The following CLEC1A variants were observed in gnomAD, a reference collection of about 807,000 sequenced individuals.
CLEC1A encodes the protein C-type lectin domain family 1 member A, also known as C-type lectin-like receptor-1.
A neutral mutation model predicts 28.7 loss-of-function variants in CLEC1A; 34 were observed. The ratio of observed to expected loss-of-function variants is 1.18; its 90% CI spans 0.90 to 1.57. CLEC1A has a LOEUF of 1.57. CLEC1A is among the 40% of genes most tolerant of loss of function. The pLI is 0.00. For synonymous variants in CLEC1A, 116 were observed against 121.0 expected, an observed-to-expected ratio of 0.96 and a Z score of 0.27; for missense variants, 385 against 339.5, an observed-to-expected ratio of 1.13 and a Z score of -1.05.
chr12:10,087,659 A>G (rs1426699455), intron 2 of CLEC1A, among the ~76,000 whole-genome samples: 1 of 149,538 alleles, frequency 6.7e-6, no homozygotes, highest in African/African-American at 2.5e-5. Flanking sequence ...AGTAGTTGGG[A>G]TTACAGATGC....
At chr12:10,088,627 A>G (rs926127014) in intron 2 of CLEC1A, among the ~76,000 whole-genome samples, 1 of 151,902 alleles carries the variant, frequency 6.6e-6, no homozygotes, top group African/African-American at 2.4e-5. Context: ...CTTTTTTCCA[A>G]TTTGATTTTC....
chr12:10,073,723 A>T (rs371547044), intron 4 of CLEC1A, among the ~76,000 whole-genome samples: 7 of 152,364 alleles, frequency 4.6e-5, no homozygotes, highest in East Asian at 3.9e-4. Flanking sequence ...TGACATAAAA[A>T]TATGAGGGAA....
Position 10,075,585 on chromosome 12 carries a change from G to T in CLEC1A, c.462C>A (p.Asp154Glu). 6.2e-7 allele frequency: 1 copy of T among 1,613,916 alleles called. No homozygotes were observed. Among genetic ancestry groups the T allele is most frequent in the Non-Finnish European group, 8.5e-7 (1 of 1,179,868 alleles). The change falls in exon 4 of 6, where the codon GAC becomes GAA. Residue 154 changes from aspartate to glutamate, a missense_variant. Transcript: ENST00000315330. ...ATTTACAGTCCTCCCAACTTTTGCT[G>T]TCTTTATAGAACTGGTAGCAATTGT... ...HGDNCYQFYK[D>E]SKSWEDCKYF... is the part of the protein sequence containing the mutation.
intron 2 of CLEC1A, 21 bp downstream of exon 2, chr12:10,089,103 C>G (rs1866559720): frequency 6.3e-7 from 1 of 1,579,282 alleles, no homozygotes. Flanking sequence ...GATCCTCCCC[C>G]AGGTCAGAGC....
chr12:10,096,897 G>C lies in CLEC1A; in HGVS notation c.115+1911C>G, dbSNP rs568195906. On this transcript the variant is annotated intron_variant, in intron 1 of 5. Coordinates refer to ENST00000315330, the MANE Select transcript of CLEC1A (RefSeq NM_016511.4). Reference sequence around the variant, plus strand: ...TTTCCTGAACTCCTCTACTTAATTAGGTAAAAATTAAGCCGAGAGCTTGGT... The same window carrying C: ...TTTCCTGAACTCCTCTACTTAATTACGTAAAAATTAAGCCGAGAGCTTGGT... Among the ~76,000 whole-genome samples the C allele has an allele frequency of 7.9e-5, 12 of 152,162 alleles. No individual in the cohort carries two copies. The East Asian group carries it at 2.3e-3, about 29-fold the overall frequency.
intron 1 of CLEC1A, among the ~76,000 whole-genome samples, chr12:10,098,339 G>A (rs7313750): frequency 6.6e-6 from 1 of 152,094 alleles, no homozygotes; most frequent in African/African-American, 2.4e-5. Flanking sequence ...TTAATATTAA[G>A]TCAAGTTAAT....
In CLEC1A at chr12:10,083,093, C is replaced by T. The variant is rs116182730; in HGVS notation, c.215-1680G>A. On this transcript the variant is annotated intron_variant, in intron 2 of 5. Coordinates refer to ENST00000315330, the MANE Select transcript of CLEC1A (RefSeq NM_016511.4). Reference sequence around the variant, plus strand: ...GGAGCCTGGTAGCACCACTGGGTGGCTAGACCCAGAAGAGAATAACAATCA... The same window carrying T: ...GGAGCCTGGTAGCACCACTGGGTGGTTAGACCCAGAAGAGAATAACAATCA... Among the ~76,000 whole-genome samples the T allele has an allele frequency of 1.6e-3, 239 of 152,306 alleles. 1 individual carries two copies. The highest frequency in any genetic ancestry group is 5.1e-3 in the African/African-American group (213 of 41,564).
intron 5 of CLEC1A, among the ~76,000 whole-genome samples, chr12:10,072,639 T>A (rs1197761858): frequency 6.9e-6 from 1 of 144,906 alleles, no homozygotes; most frequent in East Asian, 1.9e-4. Flanking sequence ...GAAAGATCTC[T>A]CTCTCTCTCT....
intron 3 of CLEC1A, among the ~76,000 whole-genome samples, chr12:10,078,862 T>C: frequency 6.6e-6 from 1 of 152,110 alleles, no homozygotes; most frequent in East Asian, 1.9e-4. Flanking sequence ...CCAGGAGAAC[T>C]GAGTGTTAAA....
At chr12:10,075,445 A>G (rs1027905885) in intron 4 of CLEC1A, 59 bp downstream of exon 4, 4 of 1,562,856 alleles carry the variant, frequency 2.6e-6, no homozygotes, top group Non-Finnish European at 3.5e-6. Flanking sequence ...CTTCTTGCCT[A>G]ATGCTTTTAA....
At chr12:10,098,687 G>T (rs1194487417) in intron 1 of CLEC1A, 121 bp downstream of exon 1, 13 of 628,742 alleles carry the variant, frequency 2.1e-5, no homozygotes, top group Non-Finnish European at 3.3e-5. Flanking sequence ...ATGTCACAGG[G>T]CGAGTAATTG....
chr12:10,070,196 T>G lies in CLEC1A; in HGVS notation c.*1137A>C, dbSNP rs1866096365. 2 of 152,218 alleles carry G rather than the reference T, an allele frequency of 1.3e-5. No individual in the cohort carries two copies. Among genetic ancestry groups the G allele is most frequent in the Non-Finnish European group, 2.9e-5 (2 of 68,042 alleles). The allele number at this position is 152,218 out of a possible 1,614,324, so 9.4% of individuals were successfully genotyped here. On this transcript the variant is annotated 3_prime_UTR_variant, in exon 6 of 6. Coordinates refer to ENST00000315330, the MANE Select transcript of CLEC1A (RefSeq NM_016511.4). Reference sequence around the variant, plus strand: ...TTTCCCATGACCTGACTGGAAATCATGTGCACTAATGCAACTCAGCTTCCT... The same window carrying G: ...TTTCCCATGACCTGACTGGAAATCAGGTGCACTAATGCAACTCAGCTTCCT...
intron 1 of CLEC1A, among the ~76,000 whole-genome samples, chr12:10,097,856 T>C (rs1231671118): frequency 1.4e-5 from 2 of 146,566 alleles, no homozygotes; most frequent in African/African-American, 5.0e-5. Flanking sequence ...TCACTTAGCT[T>C]CATTTCAAAG....
intron 2 of CLEC1A, among the ~76,000 whole-genome samples, chr12:10,086,863 C>T (rs1474947511): frequency 6.6e-6 from 1 of 152,110 alleles, no homozygotes; most frequent in Non-Finnish European, 1.5e-5. Context: ...AAGAAAACTA[C>T]AGACCAATAT....
rs1422808505 is a variant in CLEC1A, at chr12:10,088,075, G to GTTATTATT, written c.214+1041_214+1048dup. On this transcript the variant is annotated intron_variant, in intron 2 of 5. Coordinates refer to ENST00000315330, the MANE Select transcript of CLEC1A (RefSeq NM_016511.4). Reference sequence around the variant, plus strand: ...TTACTTATTCAGTTATTGAAATAGTGTTATTATTTTTTCCATGATTTTACA... The same window carrying GTTATTATT: ...TTACTTATTCAGTTATTGAAATAGTGTTATTATTTTATTATTTTTTCCATGATTTTACA... 5.3e-5 allele frequency among the ~76,000 whole-genome samples: 8 copies of GTTATTATT among 152,126 alleles called. No individual in the cohort carries two copies. The East Asian group carries it at 9.7e-4, about 18-fold the overall frequency.
At chr12:10,094,168 A>G (rs1947746572) in intron 1 of CLEC1A, among the ~76,000 whole-genome samples, 1 of 152,126 alleles carries the variant, frequency 6.6e-6, no homozygotes, top group Admixed American at 6.5e-5. Context: ...GATATTATTT[A>G]CTGAAATATA....
rs1381168828 is a variant in CLEC1A, at chr12:10,071,446, T to G, written c.730A>C (p.Ile244Leu). 5 of 1,613,970 alleles carry G rather than the reference T, an allele frequency of 3.1e-6. No individual in the cohort carries two copies. Among genetic ancestry groups the G allele is most frequent in the Non-Finnish European group, 3.4e-6 (4 of 1,179,860 alleles). The change falls in exon 6 of 6, where the codon ATC becomes CTC. Residue 244 changes from isoleucine to leucine, a missense_variant. By Grantham distance (5) the Ile-to-Leu change is conservative. Transcript: ENST00000315330. The stretch of plus-strand genomic sequence containing the variant: ...AATTCTTTGCAGTCCTTTGAGAAGA[T>G]CATCCCATTAAGGATGGCCACACAG... ...RDCVAILNGM[I>L]FSKDCKELKR...
chr12:10,093,855 C>T (rs897334761), intron 1 of CLEC1A, among the ~76,000 whole-genome samples: 56 of 152,232 alleles, frequency 3.7e-4, no homozygotes, highest in Non-Finnish European at 6.6e-4. Context: ...TTAATCCTCA[C>T]ATATGGCACA....
At chr12:10,092,369 AC>A (rs776852965) in intron 1 of CLEC1A, 23 of 343,986 alleles carry the variant, frequency 6.7e-5, no homozygotes, top group Non-Finnish European at 1.0e-4. Flanking sequence ...ACATAGTGAG[AC>A]CCCCATCTCT....
Sources: allele counts gnomAD v4.1 joint callset (sites outside exome capture counted in the v4.1 genomes callset), GRCh38; gene constraint gnomAD v4.1.1; transcripts MANE v1.5; gene names NCBI Gene and HGNC (gene_info 2026-07-23, HGNC 2026-07-21).